Variants in DIAPH3 observed in about 807,000 individuals in gnomAD.
DIAPH3 encodes protein diaphanous homolog 3.
Under a neutral mutation model 144.3 loss-of-function variants are expected in DIAPH3, and 117 were observed. That is an observed-to-expected ratio of 0.81 (90% CI 0.70 to 0.95). The LOEUF (loss-of-function observed/expected upper bound fraction) is 0.95. Among genes scored for constraint, DIAPH3 ranks in the 40% least tolerant of loss-of-function variants. The pLI is 0.00. For missense variants in DIAPH3, 1,421 were observed against 1,412.7 expected (o/e 1.01, Z -0.09); for synonymous variants, 519 against 488.9 (o/e 1.06, Z -0.81).
intron 25 of DIAPH3, among the ~76,000 whole-genome samples, chr13:59,798,882 A>C (rs2039746809): frequency 3.3e-5 from 5 of 152,152 alleles, no homozygotes. Flanking sequence ...CCAAGAGTGG[A>C]GGTGTCTTGT....
At chr13:60,123,426 A>C (rs4886205) in intron 2 of DIAPH3, among the ~76,000 whole-genome samples, 88,783 of 151,974 alleles carry the variant, frequency 0.58, 26,558 homozygotes, top group Admixed American at 0.69. Flanking sequence ...AGTATATTCA[A>C]CTCTGAGAGC....
chr13:59,804,902 G>C (rs2040115426), intron 25 of DIAPH3, among the ~76,000 whole-genome samples: 1 of 152,176 alleles, frequency 6.6e-6, no homozygotes, highest in African/African-American at 2.4e-5. Context: ...GAGATTGGCA[G>C]AGACATTCCG....
chr13:60,010,384 C>G, intron 8 of DIAPH3, 149 bp downstream of exon 8: 1 of 751,062 alleles, frequency 1.3e-6, no homozygotes, highest in Non-Finnish European at 2.0e-6. Flanking sequence ...AATTTCCAGC[C>G]AATAAGAAAC....
chr13:60,137,377 T>C (rs1217292030), intron 1 of DIAPH3, among the ~76,000 whole-genome samples: 2 of 152,210 alleles, frequency 1.3e-5, no homozygotes, highest in Admixed American at 6.5e-5. Flanking sequence ...CTGTGCTAAA[T>C]GCTGTGAATA....
intron 27 of DIAPH3, among the ~76,000 whole-genome samples, chr13:59,686,855 G>C (rs1229539700): frequency 1.3e-5 from 2 of 152,068 alleles, no homozygotes; most frequent in Non-Finnish European, 2.9e-5. Context: ...AAGTAGAATA[G>C]AGCACTAGGA....
At chr13:60,155,429 A>G (rs540273641) in intron 1 of DIAPH3, among the ~76,000 whole-genome samples, 156 of 152,252 alleles carry the variant, frequency 1.0e-3, no homozygotes, top group African/African-American at 3.5e-3. Context: ...CACTTAATAT[A>G]TATTGTTTCT....
intron 19 of DIAPH3, 82 bp from the exon 20 acceptor site, chr13:59,911,918 GA>G (rs1225442121): frequency 7.4e-6 from 8 of 1,077,494 alleles, no homozygotes; most frequent in Non-Finnish European, 1.1e-5. Context: ...ACTACTGAAA[GA>G]AAACCAGTGA....
At chr13:60,056,083 T>C (rs1160460004) in intron 4 of DIAPH3, among the ~76,000 whole-genome samples, 1 of 151,708 alleles carries the variant, frequency 6.6e-6, no homozygotes, top group Admixed American at 6.6e-5. Flanking sequence ...TGAACAATAA[T>C]GTCAGAGAAA....
intron 20 of DIAPH3, among the ~76,000 whole-genome samples, chr13:59,904,765 CAAGT>C (rs1481497210): frequency 5.3e-5 from 8 of 151,944 alleles, no homozygotes; most frequent in Non-Finnish European, 1.0e-4. Flanking sequence ...AATAAAAAGA[CAAGT>C]AAGAGGCAGT....
chr13:59,848,303 A>C (rs938708261), intron 22 of DIAPH3, among the ~76,000 whole-genome samples: 2 of 91,304 alleles, frequency 2.2e-5, no homozygotes, highest in African/African-American at 3.2e-5. Context: ...GAGTAAAGTC[A>C]AATCTTTTTT....
chr13:60,016,261 G>T, intron 5 of DIAPH3, 116 bp from the exon 6 acceptor site: 1 of 902,608 alleles, frequency 1.1e-6, no homozygotes, highest in South Asian at 1.5e-5. Context: ...TAAAACATAA[G>T]AATAACACCA....
chr13:59,678,901 A>G (rs996929278), intron 27 of DIAPH3, among the ~76,000 whole-genome samples: 2 of 152,206 alleles, frequency 1.3e-5, no homozygotes, highest in Non-Finnish European at 2.9e-5. Flanking sequence ...TAAAAGCTGT[A>G]AGTTATCTAA....
chr13:60,156,941 T>TATATATATATATATATATATATATA (rs1566834028), intron 1 of DIAPH3, among the ~76,000 whole-genome samples: 1 of 27,402 alleles, frequency 3.6e-5, no homozygotes, highest in African/African-American at 1.2e-4. Context: ...ATATATATAT[T>TATATATATATATATATATATATATA]TTTTTTTTTT....
chr13:59,970,902 T>C lies in DIAPH3; in HGVS notation c.1909A>G (p.Lys637Glu), dbSNP rs1566590513. ...CTGATTTCAGGTTTAAATTCTTTCT[T>C]TGGTTTCAACCCAAATGGCAGGATT... ...LPILPFGLKPKKEFKPEISMR... is the reference protein window; with the variant it reads ...LPILPFGLKPEKEFKPEISMR... Residue 637 changes from lysine to glutamate, a missense_variant, in exon 16 of 28, where the codon AAG (lysine) becomes GAG (glutamate). By Grantham distance (56) the Lys-to-Glu change is moderately conservative (BLOSUM62 1). Coordinates refer to ENST00000400324, the MANE Select transcript of DIAPH3 (RefSeq NM_001042517.2). 1.2e-6 allele frequency: 2 copies of C among 1,613,882 alleles called. No homozygotes were observed. Among genetic ancestry groups the C allele is most frequent in the Middle Eastern group, 1.7e-4 (1 of 5,888 alleles).
intron 17 of DIAPH3, among the ~76,000 whole-genome samples, chr13:59,926,328 T>C (rs1017812443): frequency 6.6e-6 from 1 of 152,180 alleles, no homozygotes; most frequent in African/African-American, 2.4e-5. Context: ...AGTTCTGCTC[T>C]GAACTTTATT....
chr13:59,689,163 GCCA>G (rs2033375334), intron 27 of DIAPH3, among the ~76,000 whole-genome samples: 1 of 152,020 alleles, frequency 6.6e-6, no homozygotes, highest in Admixed American at 6.6e-5. Context: ...CTCCTGAAAG[GCCA>G]CAAGATTTCT....
At chr13:60,121,941 T>C (rs2058856553) in intron 2 of DIAPH3, among the ~76,000 whole-genome samples, 1 of 152,134 alleles carries the variant, frequency 6.6e-6, no homozygotes, top group African/African-American at 2.4e-5. Flanking sequence ...CTAACCTGCC[T>C]CCTAGCCTTC....
At position 60,153,927 on chromosome 13, in the gene DIAPH3, A is replaced by C. The variant is rs143171792; in HGVS notation, c.180+9660T>G. Among the ~76,000 whole-genome samples, 5 of 152,190 alleles carry C rather than the reference A, an allele frequency of 3.3e-5. No homozygotes were observed. In the East Asian group the frequency reaches 9.7e-4, roughly 29 times the overall value. ...TTACATTTGTACCCCAAGTTTCATC[A>C]TCCTATTATCCCCACTTTAGACATA... is the stretch of plus-strand genomic sequence containing the variant. On this transcript the variant is annotated intron_variant, in intron 1 of 27. Coordinates refer to ENST00000400324, the MANE Select transcript of DIAPH3 (RefSeq NM_001042517.2).
intron 17 of DIAPH3, among the ~76,000 whole-genome samples, chr13:59,952,723 A>C (rs2049165059): frequency 6.6e-6 from 1 of 152,190 alleles, no homozygotes; most frequent in Admixed American, 6.5e-5. Flanking sequence ...GTTAATTGGA[A>C]TCTAGATCAT....
Sources: allele counts gnomAD v4.1 joint callset (sites outside exome capture counted in the v4.1 genomes callset), GRCh38; gene constraint gnomAD v4.1.1; transcripts MANE v1.5; gene names NCBI Gene and HGNC (gene_info 2026-07-23, HGNC 2026-07-21).